Variants in AP3B1 observed in about 807,000 individuals in gnomAD.
The protein encoded by AP3B1 is adaptor related protein complex 3 subunit beta 1, also known as AP-3 complex subunit beta-1.
Under a neutral mutation model 132.5 loss-of-function variants are expected in AP3B1, and 61 were observed. The observed-to-expected ratio is 0.46, with a 90% CI of 0.37 to 0.57. AP3B1 has a LOEUF of 0.57. AP3B1 is among the 20% of genes least tolerant of loss of function. The pLI is 0.00. For missense variants in AP3B1, 1,120 were observed against 1,289.4 expected, an observed-to-expected ratio of 0.87 and a Z score of 2.01; for synonymous variants, 388 against 438.3, an observed-to-expected ratio of 0.89 and a Z score of 1.43.
intron 22 of AP3B1, among the ~76,000 whole-genome samples, chr5:78,045,380 C>T (rs1439341135): frequency 1.6e-5 from 1 of 63,918 alleles, no homozygotes; most frequent in Non-Finnish European, 3.3e-5. Flanking sequence ...GGCTCTGTCT[C>T]AAAAAAAAAA....
chr5:78,089,534 G>A, intron 21 of AP3B1, 35 bp from the exon 22 acceptor site: 1 of 1,332,536 alleles, frequency 7.5e-7, no homozygotes, highest in Non-Finnish European at 1.1e-6. Context: ...AAATGTGCAT[G>A]AACGTTTAAT....
chr5:78,238,723 T>C (rs1292748202), intron 3 of AP3B1, among the ~76,000 whole-genome samples: 1 of 151,594 alleles, frequency 6.6e-6, no homozygotes, highest in Non-Finnish European at 1.5e-5. Context: ...TTTTAAAATG[T>C]TTCTAGTTAA....
chr5:78,116,715 T>C (rs1751850099), intron 17 of AP3B1, among the ~76,000 whole-genome samples: 1 of 152,142 alleles, frequency 6.6e-6, no homozygotes, highest in Non-Finnish European at 1.5e-5. Flanking sequence ...CTTCTCTTTT[T>C]TTCTCATATC....
chr5:78,215,972 T>C, intron 7 of AP3B1, 83 bp downstream of exon 7: 1 of 1,307,958 alleles, frequency 7.6e-7, no homozygotes. Context: ...TCTAGTTTAC[T>C]ACTCCTAATT....
chr5:78,233,211 T>C (rs1746724614), intron 3 of AP3B1, among the ~76,000 whole-genome samples: 1 of 151,646 alleles, frequency 6.6e-6, no homozygotes, highest in Non-Finnish European at 1.5e-5. Context: ...TCTGGAGAAG[T>C]TCCTCAGCCT....
chr5:78,182,110 A>C (rs1194506131), intron 7 of AP3B1, among the ~76,000 whole-genome samples: 1 of 152,228 alleles, frequency 6.6e-6, no homozygotes, highest in African/African-American at 2.4e-5. Flanking sequence ...AAAGTGTGAC[A>C]CGAAAAAACT....
At chr5:78,133,078 T>C (rs1056224088) in intron 15 of AP3B1, among the ~76,000 whole-genome samples, 6 of 152,180 alleles carry the variant, frequency 3.9e-5, no homozygotes, top group African/African-American at 1.2e-4. Context: ...ACTTCCCATG[T>C]TTTCCTTTAA....
chr5:78,003,089 A>T, intron 26 of AP3B1, 34 bp from the exon 27 acceptor site: 1 of 1,609,818 alleles, frequency 6.2e-7, no homozygotes, highest in East Asian at 2.2e-5. Context: ...TTTTATCATA[A>T]GATGGGGAGG....
intron 19 of AP3B1, among the ~76,000 whole-genome samples, chr5:78,111,428 G>A (rs1378078113): frequency 1.8e-4 from 27 of 152,126 alleles, no homozygotes; most frequent in Admixed American, 1.7e-3. Flanking sequence ...CAGGGTCTAC[G>A]GTCCACTGGA....
At chr5:78,085,475 T>C (rs1750202308) in intron 22 of AP3B1, among the ~76,000 whole-genome samples, 1 of 152,160 alleles carries the variant, frequency 6.6e-6, no homozygotes, top group Admixed American at 6.5e-5. Context: ...AATACACCCA[T>C]GTAACAGCCC....
intron 14 of AP3B1, among the ~76,000 whole-genome samples, chr5:78,148,697 G>A (rs1753518217): frequency 6.6e-6 from 1 of 151,958 alleles, no homozygotes; most frequent in African/African-American, 2.4e-5. Flanking sequence ...CATTTATTAG[G>A]TTGGTGCAAA....
At chr5:78,113,664 A>G (rs1751692147) in intron 19 of AP3B1, 88 bp downstream of exon 19, 4 of 1,455,666 alleles carry the variant, frequency 2.7e-6, no homozygotes, top group African/African-American at 1.4e-5. Context: ...TTTTTCTCTC[A>G]CCATTTTTTG....
chr5:78,064,455 C>T (rs1173385242), intron 22 of AP3B1, among the ~76,000 whole-genome samples: 2 of 152,048 alleles, frequency 1.3e-5, no homozygotes, highest in Non-Finnish European at 2.9e-5. Context: ...TAATTACAGC[C>T]GTTAAAATTG....
chr5:78,117,032 C>T (rs1751871103), intron 17 of AP3B1, among the ~76,000 whole-genome samples: 1 of 152,010 alleles, frequency 6.6e-6, no homozygotes, highest in Admixed American at 6.6e-5. Context: ...CCGTCGCCTG[C>T]CTCTCTCACC....
At chr5:78,229,611 C>T (rs1041576524) in intron 3 of AP3B1, among the ~76,000 whole-genome samples, 2 of 149,210 alleles carry the variant, frequency 1.3e-5, no homozygotes, top group Non-Finnish European at 3.0e-5. Context: ...CAGTGGCATG[C>T]ACCTGTAGTC....
intron 22 of AP3B1, among the ~76,000 whole-genome samples, chr5:78,040,525 T>A (rs1748032678): frequency 6.6e-6 from 1 of 152,184 alleles, no homozygotes; most frequent in Non-Finnish European, 1.5e-5. Context: ...AGACTCTTAA[T>A]TAAATTCTTC....
chr5:78,137,925 C>T (rs1196255535), intron 15 of AP3B1, among the ~76,000 whole-genome samples: 1 of 152,054 alleles, frequency 6.6e-6, no homozygotes, highest in African/African-American at 2.4e-5. Flanking sequence ...GAAATGCTCA[C>T]TGAGGTATTT....
chr5:78,240,358 C>T (rs1483612457), intron 3 of AP3B1, among the ~76,000 whole-genome samples: 1 of 152,096 alleles, frequency 6.6e-6, no homozygotes, highest in Non-Finnish European at 1.5e-5. Context: ...GTGTAGCTTA[C>T]AGAAAACAGT....
intron 7 of AP3B1, among the ~76,000 whole-genome samples, chr5:78,198,765 G>T (rs1413654861): frequency 2.0e-5 from 3 of 152,070 alleles, no homozygotes; most frequent in Non-Finnish European, 4.4e-5. Context: ...ACAAGACCAG[G>T]GTGGGTAGGT....
Sources: gnomAD v4.1 joint callset for allele counts (sites outside exome capture counted in the v4.1 genomes callset) on GRCh38, gnomAD v4.1.1 for gene constraint, MANE v1.5 for transcripts, NCBI Gene and HGNC (gene_info 2026-07-23, HGNC 2026-07-21) for gene names.